Variants in PXK observed in about 807,000 individuals in gnomAD.
PXK encodes the protein PX domain-containing protein kinase-like protein.
PXK carries 35 observed loss-of-function variants against 84.7 expected under a neutral mutation model. The observed-to-expected ratio is 0.41, with a 90% confidence interval of 0.32 to 0.55. PXK has a LOEUF of 0.55. Ranked by LOEUF, PXK falls within the 20% of genes least tolerant of loss-of-function variation. The pLI is 0.21. For missense variants in PXK, 634 were observed against 699.7 expected (o/e 0.91, Z 1.06); for synonymous variants, 253 against 260.8 (o/e 0.97, Z 0.29).
intron 7 of PXK, among the ~76,000 whole-genome samples, 156 bp from the exon 8 acceptor site, chr3:58,394,842 A>C (rs11923181): frequency 0.29 from 44,610 of 152,054 alleles, 7,327 homozygotes; most frequent in Middle Eastern, 0.39. Flanking sequence ...CTGGTAACTG[A>C]ATAACTTGAA....
chr3:58,335,466 A>T (rs2097576926), intron 1 of PXK, among the ~76,000 whole-genome samples: 1 of 152,212 alleles, frequency 6.6e-6, no homozygotes, highest in African/African-American at 2.4e-5. Context: ...AGTCTTTTTT[A>T]AAACAGGAAC....
At chr3:58,395,803 A>G in intron 9 of PXK, 44 bp downstream of exon 9, 1 of 1,499,420 alleles carries the variant, frequency 6.7e-7, no homozygotes, top group Non-Finnish European at 9.2e-7. Context: ...TTTCATCCAA[A>G]ATTGCATTAT....
At chr3:58,362,695 C>T (rs974910753) in intron 1 of PXK, among the ~76,000 whole-genome samples, 1 of 152,188 alleles carries the variant, frequency 6.6e-6, no homozygotes. Flanking sequence ...ATAGTCTTGA[C>T]ATCAGGTAGA....
chr3:58,396,961 G>C (rs1311466474), intron 9 of PXK, 78 bp from the exon 10 acceptor site: 21 of 1,443,492 alleles, frequency 1.5e-5, no homozygotes, highest in Non-Finnish European at 1.9e-5. Flanking sequence ...AAAATATATT[G>C]ACTAAAAAAC....
chr3:58,420,509 T>TTC (rs780468782), intron 17 of PXK: 8 of 1,529,372 alleles, frequency 5.2e-6, no homozygotes, highest in Middle Eastern at 1.7e-4. Flanking sequence ...TGTCCCCCCT[T>TTC]TCTCTCTCTC....
chr3:58,386,290 CTTTTTTTTT>C (rs752411806), intron 4 of PXK, among the ~76,000 whole-genome samples: 7 of 82,252 alleles, frequency 8.5e-5, no homozygotes, highest in Non-Finnish European at 1.3e-4. Context: ...ATCCCCCTTA[CTTTTTTTTT>C]TTTTTTTTTT....
chr3:58,423,640 A>G, intron 17 of PXK: 1 of 1,393,318 alleles, frequency 7.2e-7, no homozygotes, highest in Non-Finnish European at 9.6e-7. Flanking sequence ...ACTTATCACA[A>G]CTCAGTAGCA....
intron 3 of PXK, among the ~76,000 whole-genome samples, chr3:58,376,564 G>A (rs1476158759): frequency 6.6e-6 from 1 of 152,070 alleles, no homozygotes; most frequent in Non-Finnish European, 1.5e-5. Flanking sequence ...ATGATATTCT[G>A]CAACTTCATA....
chr3:58,376,358 T>C (rs2098442278), intron 3 of PXK, among the ~76,000 whole-genome samples: 1 of 152,114 alleles, frequency 6.6e-6, no homozygotes, highest in African/African-American at 2.4e-5. Context: ...GAGGTTGCAG[T>C]GAGCCAAGAT....
intron 3 of PXK, among the ~76,000 whole-genome samples, chr3:58,375,135 C>G (rs543222896): frequency 4.6e-5 from 7 of 152,184 alleles, no homozygotes; most frequent in Middle Eastern, 6.8e-3. Flanking sequence ...CTCTCACATC[C>G]CCACAATGAA....
Position 58,409,294 on chromosome 3 carries a change from ATTC to A in PXK, c.1309-230_1309-228del, listed in dbSNP as rs768368631. 4.6e-5 allele frequency among the ~76,000 whole-genome samples: 7 copies of A among 152,124 alleles called. No individual in the cohort carries two copies. Among genetic ancestry groups the A allele is most frequent in the Non-Finnish European group, 8.8e-5 (6 of 68,024 alleles). ...TGCATGGTCCATGCTGTCTCACCAC[ATTC>A]TTCTTCTGTAAAAGAGGGAAAGGCA... On this transcript the variant is annotated intron_variant, in intron 14 of 17. Transcript: ENST00000356151. This position sits in a 1 kb window ranked among gnomAD's most constrained non-coding sequence, Gnocchi z 4.2.
At chr3:58,376,858 T>C (rs1253188209) in intron 3 of PXK, among the ~76,000 whole-genome samples, 2 of 132,830 alleles carry the variant, frequency 1.5e-5, no homozygotes, top group African/African-American at 5.2e-5. Context: ...TAGGCTGGTA[T>C]CTAACTCCTG....
chr3:58,377,541 G>A (rs1046208956), intron 3 of PXK, among the ~76,000 whole-genome samples: 1 of 151,706 alleles, frequency 6.6e-6, no homozygotes, highest in East Asian at 1.9e-4. Context: ...TCGAGAGGCA[G>A]GCTGAGGTGG....
chr3:58,355,034 G>A (rs1173597211), intron 1 of PXK, among the ~76,000 whole-genome samples: 3 of 151,700 alleles, frequency 2.0e-5, no homozygotes, highest in East Asian at 1.9e-4. Flanking sequence ...TACGAGAATC[G>A]CTTGAACCTG....
intron 1 of PXK, among the ~76,000 whole-genome samples, chr3:58,361,817 T>G (rs1381566951): frequency 6.6e-6 from 1 of 152,254 alleles, no homozygotes; most frequent in Non-Finnish European, 1.5e-5. Context: ...TGTGTATAAA[T>G]TCTTATGTGA....
chr3:58,414,684 G>A lies in PXK; in HGVS notation c.1528+1721G>A, dbSNP rs999296462. 1.3e-5 allele frequency among the ~76,000 whole-genome samples: 2 copies of A among 152,156 alleles called. No individual in the cohort carries two copies. Among genetic ancestry groups the A allele is most frequent in the Non-Finnish European group, 2.9e-5 (2 of 68,026 alleles). ...CCCAGCACAATGCCTGGCAGAGTGA[G>A]AGTGCCTGGCAGAGATGAGAGGTTC... On this transcript the variant is annotated intron_variant, in intron 17 of 17. Coordinates refer to ENST00000356151, the MANE Select transcript of PXK (RefSeq NM_017771.5). This position sits in a 1 kb window ranked among gnomAD's most constrained non-coding sequence, Gnocchi z 4.5.
rs1252914719 is a variant in PXK, at chr3:58,421,718, G to C, written c.1529-3034G>C. 2 of 985,338 alleles carry C rather than the reference G, an allele frequency of 2.0e-6. No individual in the cohort carries two copies. The highest frequency in any genetic ancestry group is 2.3e-4 in the East Asian group (2 of 8,828). The allele number at this position is 985,338 out of a possible 1,614,324, so 61.0% of individuals were successfully genotyped here. On this transcript the variant is annotated intron_variant, in intron 17 of 17. Coordinates refer to ENST00000356151, the MANE Select transcript of PXK (RefSeq NM_017771.5). The surrounding 1 kb of genome is among the most constrained non-coding windows in gnomAD (Gnocchi z 5.5). ...TTCTCTGCCCTCTGACAGGGCCTCT[G>C]CTGGACTGCCAGGTTCCCGTGTGGT... is the stretch of plus-strand genomic sequence containing the variant.
rs141964091 is a variant in PXK at position 58,407,745 on chromosome 3, C to T, written c.1231-1179C>T. ...CTAATTTTTGTATCTTTAGTAGAGA[C>T]GGGGTTTTGCCATGTTGGCCAGGCT... is the stretch of plus-strand genomic sequence containing the variant. On this transcript the variant is annotated intron_variant, in intron 13 of 17. Transcript: ENST00000356151. This position sits in a 1 kb window ranked among gnomAD's most constrained non-coding sequence, Gnocchi z 4.3. 5.3e-3 allele frequency among the ~76,000 whole-genome samples: 799 copies of T among 152,062 alleles called. 7 individuals carry two copies. Among genetic ancestry groups the T allele is most frequent in the African/African-American group, 0.018 (748 of 41,506 alleles).
rs1386695057 is a variant in PXK at position 58,421,236 on chromosome 3, TAG to T, written c.1529-3510_1529-3509del. 1 of 985,288 alleles carries T rather than the reference TAG, an allele frequency of 1.0e-6. No individual in the cohort carries two copies. The allele number at this position is 985,288 out of a possible 1,614,324, so 61.0% of individuals were successfully genotyped here. ...ATGTGACCACAAAGGAGCTCAGAAT[TAG>T]AGAGACTGTAGATTACCCACTGCTG... On this transcript the variant is annotated intron_variant, in intron 17 of 17. Coordinates refer to ENST00000356151, the MANE Select transcript of PXK (RefSeq NM_017771.5). This position sits in a 1 kb window ranked among gnomAD's most constrained non-coding sequence, Gnocchi z 5.5.
Sources: allele counts gnomAD v4.1 joint callset (sites outside exome capture counted in the v4.1 genomes callset), GRCh38; gene constraint gnomAD v4.1.1; non-coding constraint Gnocchi (gnomAD v3.1); transcripts MANE v1.5; gene names NCBI Gene and HGNC (gene_info 2026-07-23, HGNC 2026-07-21).